The following C17orf99 variants were observed in gnomAD, a reference collection of about 807,000 sequenced individuals.
The protein encoded by C17orf99 is protein IL-40.
In C17orf99, 18 loss-of-function variants were observed where a neutral mutation model predicts 22.6. The ratio of observed to expected loss-of-function variants is 0.80; its 90% CI spans 0.55 to 1.18. The LOEUF is 1.18. C17orf99 is among the 50% of genes most tolerant of loss of function. C17orf99 has a pLI of 0.00. For synonymous variants in C17orf99, 147 were observed against 136.6 expected (o/e 1.08, Z -0.53); for missense variants, 328 against 342.7 (o/e 0.96, Z 0.34).
At chr17:78,155,128 T>TG in intron 2 of C17orf99, among the ~76,000 whole-genome samples, 4 of 134,312 alleles carry the variant, frequency 3.0e-5, no homozygotes, top group Non-Finnish European at 4.7e-5. Context: ...ACCCCTATTT[T>TG]TTTTTTTTTT....
intron 3 of C17orf99, among the ~76,000 whole-genome samples, 189 bp downstream of exon 3, chr17:78,161,443 CCCTGGCTGGGGCCCTGAGGGCACAGTCT>C (rs2075575967): frequency 1.3e-5 from 2 of 152,166 alleles, no homozygotes; most frequent in South Asian, 2.1e-4. Flanking sequence ...GACTTGCTGT[CCCTGGCTGGGGCCCTGAGGGCACAGTCT>C]CCTGGCAGGG....
chr17:78,161,198 C>T lies in C17orf99; in HGVS notation c.314C>T (p.Thr105Ile), dbSNP rs1458453408. Reference protein sequence around the residue: ...LLTYFCWASSTSGAHVDSARL... With the variant: ...LLTYFCWASSISGAHVDSARL... ...ACCTACTTCTGCTGGGCGTCCTCCA[C>T]CTCAGGTGCCCATGTGGACAGTGCC... Residue 105 changes from threonine (T) to isoleucine (I), a missense_variant, in exon 3 of 5, where the codon ACC becomes ATC. Transcript: ENST00000340363. The T allele has an allele frequency of 6.4e-7, 1 of 1,551,788 alleles. No homozygotes were observed. The highest frequency in any genetic ancestry group is 1.2e-5 in the South Asian group (1 of 84,064).
intron 2 of C17orf99, among the ~76,000 whole-genome samples, chr17:78,159,499 C>A (rs776697717): frequency 1.3e-5 from 2 of 150,504 alleles, no homozygotes; most frequent in Non-Finnish European, 2.9e-5. Flanking sequence ...ATTAGCCAGG[C>A]GTAGTGGTGG....
At chr17:78,160,856 A>T in intron 2 of C17orf99, 99 bp from the exon 3 acceptor site, 1 of 921,650 alleles carries the variant, frequency 1.1e-6, no homozygotes, top group Non-Finnish European at 1.6e-6. Context: ...CACTGGGATT[A>T]CAGGTGTTTG....
Position 78,166,269 on chromosome 17 carries a change from A to T in C17orf99, c.*223A>T, listed in dbSNP as rs1598956410. The stretch of plus-strand genomic sequence containing the variant: ...TTATCTATATGAATCCCATCATATC[A>T]GGTTGTCTACCTTAAATATACACAA... On this transcript the variant is annotated 3_prime_UTR_variant, in exon 5 of 5. Transcript: ENST00000340363. 8 of 357,758 alleles carry T rather than the reference A, an allele frequency of 2.2e-5. No homozygotes were observed. In the East Asian group the frequency reaches 3.3e-4, roughly 15 times the overall value. The allele number at this position is 357,758 out of a possible 1,614,324, so 22.2% of individuals were successfully genotyped here.
intron 3 of C17orf99, 82 bp from the exon 4 acceptor site, chr17:78,164,013 T>G (rs143663400): frequency 8.0e-7 from 1 of 1,244,214 alleles, no homozygotes; most frequent in East Asian, 2.5e-5. Flanking sequence ...CATTAGGCAT[T>G]TTGTAATGAG....
In C17orf99 at chr17:78,166,116, A is replaced by T; in HGVS notation, c.*70A>T. On this transcript the variant is annotated 3_prime_UTR_variant, in exon 5 of 5. Coordinates refer to ENST00000340363, the MANE Select transcript of C17orf99 (RefSeq NM_001163075.2). Reference sequence around the variant, plus strand: ...ATCAGCGTGCACTGTTCGTATTTGGAGTTCATGCAAAATGAGTGTGTTTTA... The same window carrying T: ...ATCAGCGTGCACTGTTCGTATTTGGTGTTCATGCAAAATGAGTGTGTTTTA... 9.4e-6 allele frequency: 3 copies of T among 317,738 alleles called. No individual in the cohort carries two copies. The highest frequency in any genetic ancestry group is 1.6e-5 in the Non-Finnish European group (3 of 188,634). 19.7% of individuals were successfully genotyped at this position (317,738 alleles called of 1,614,324 possible). A position where few individuals can be genotyped will look rare whatever the true frequency, so the allele number is the denominator to read the frequency against.
intron 2 of C17orf99, among the ~76,000 whole-genome samples, chr17:78,147,251 C>T (rs1014691772): frequency 6.6e-6 from 1 of 152,144 alleles, no homozygotes; most frequent in African/African-American, 2.4e-5. Context: ...GCAGAAGCCC[C>T]CCCTGAGACC....
intron 2 of C17orf99, among the ~76,000 whole-genome samples, chr17:78,154,843 AAAAT>A (rs113698154): frequency 6.6e-6 from 1 of 151,986 alleles, no homozygotes; most frequent in Non-Finnish European, 1.5e-5. Context: ...CTCCATCTCA[AAAAT>A]AAATAAATAA....
chr17:78,150,347 T>C (rs1359037793), intron 2 of C17orf99, among the ~76,000 whole-genome samples: 1 of 152,124 alleles, frequency 6.6e-6, no homozygotes, highest in Admixed American at 6.6e-5. Context: ...GTCTTCCTAT[T>C]TTGCCCAGCT....
At chr17:78,162,502 C>T (rs1278386043) in intron 3 of C17orf99, among the ~76,000 whole-genome samples, 1 of 151,896 alleles carries the variant, frequency 6.6e-6, no homozygotes, top group Non-Finnish European at 1.5e-5. Flanking sequence ...GGCCCGCACC[C>T]TAAGAACACC....
At chr17:78,163,116 T>G (rs905104699) in intron 3 of C17orf99, among the ~76,000 whole-genome samples, 1 of 152,280 alleles carries the variant, frequency 6.6e-6, no homozygotes, top group East Asian at 1.9e-4. Flanking sequence ...TAATCAGGTA[T>G]GGTGGTGCAT....
At chr17:78,157,548 C>A in intron 2 of C17orf99, 1 of 872,304 alleles carries the variant, frequency 1.1e-6, no homozygotes, top group South Asian at 1.5e-5. Context: ...CCCGTAATCC[C>A]ATCACTTTGG....
chr17:78,157,347 G>T (rs542554545), intron 2 of C17orf99: 2 of 804,920 alleles, frequency 2.5e-6, no homozygotes, highest in South Asian at 1.5e-5. Context: ...CGGCGGCGGC[G>T]GTGGGCTCGG....
rs140461997 is a variant in C17orf99, at chr17:78,164,365, G to A, written c.640+1G>A. 6.0e-4 allele frequency: 934 copies of A among 1,551,402 alleles called. 6 individuals are homozygous for A. In the African/African-American group the frequency reaches 0.011, roughly 18 times the overall value. Reference sequence around the variant, plus strand: ...AGCGCCCTCACAGTGGTGCCCCCAGGTGAGAGGGCCCTTGGATTTCCAGAG... The same window carrying A: ...AGCGCCCTCACAGTGGTGCCCCCAGATGAGAGGGCCCTTGGATTTCCAGAG... On this transcript the variant is annotated splice_donor_variant, in intron 4 of 4. Transcript: ENST00000340363. LOFTEE classifies it high-confidence loss of function.
chr17:78,164,249 C>T lies in C17orf99; in HGVS notation c.525C>T (p.Cys175=), dbSNP rs1456236280. The part of the protein sequence containing the change: ...DGQVHLQQRP[C]HRQPANFSFL... ...AGGTCCACCTGCAGCAGAGACCATG[C>T]CACAGGCAGCCTGCCAACTTCTCCT... is the stretch of plus-strand genomic sequence containing the variant. Residue 175 remains cysteine, a synonymous_variant, in exon 4 of 5, where the codon TGC becomes TGT. Transcript: ENST00000340363. 3.2e-6 allele frequency: 5 copies of T among 1,551,532 alleles called. No homozygotes were observed. In the East Asian group the frequency reaches 9.8e-5, roughly 30 times the overall value.
rs2145803982 is a variant in C17orf99, at chr17:78,164,168, C to A, written c.444C>A (p.Cys148Ter). The change falls in exon 4 of 5, where the codon TGC becomes TGA. Residue 148 changes from cysteine to a stop codon, truncating the protein, a stop_gained. Transcript: ENST00000340363. LOFTEE classifies it high-confidence loss of function. ...CAGGCCCCAGGGTGGAGATGATCTGCCAGGCGTCCTCGGGCAGCCCACCTA... is the reference window on the plus strand; with the variant it reads ...CAGGCCCCAGGGTGGAGATGATCTGACAGGCGTCCTCGGGCAGCCCACCTA... ...RGAGPRVEMI[C>*]QASSGSPPIT... is the part of the protein sequence containing the mutation. 3 of 1,551,622 alleles carry A rather than the reference C, an allele frequency of 1.9e-6. No homozygotes were observed. The highest frequency in any genetic ancestry group is 2.6e-6 in the Non-Finnish European group (3 of 1,147,002).
At chr17:78,159,672 G>A (rs1158519163) in intron 2 of C17orf99, among the ~76,000 whole-genome samples, 2 of 151,424 alleles carry the variant, frequency 1.3e-5, no homozygotes, top group African/African-American at 2.4e-5. Context: ...CTAGTTCCGA[G>A]AGATTTTCAT....
In C17orf99 at chr17:78,165,949, C is replaced by A. The variant is rs922729853; in HGVS notation, c.701C>A (p.Pro234Gln). Residue 234 changes from proline (P) to glutamine (Q), a missense_variant, in exon 5 of 5, where the codon CCG (proline) becomes CAG (glutamine). Physicochemically the swap from Pro to Gln is moderately conservative, Grantham distance 76. Transcript: ENST00000340363. ...GPLESPILAL[P>Q]LYRSTRRLSE... is the part of the protein sequence containing the mutation. ...CTGGAGAGCCCCATCCTTGCCTTGC[C>A]GCTCTACAGGAGCACCCGCCGTCTG... The A allele has an allele frequency of 2.7e-6, 4 of 1,485,038 alleles. No individual in the cohort carries two copies. In the Admixed American group the frequency reaches 6.3e-5, roughly 23 times the overall value. 92.0% of individuals were successfully genotyped at this position (1,485,038 alleles called of 1,614,324 possible).
Sources: gnomAD v4.1 joint callset for allele counts (sites outside exome capture counted in the v4.1 genomes callset) on GRCh38, gnomAD v4.1.1 for gene constraint, MANE v1.5 for transcripts, NCBI Gene and HGNC (gene_info 2026-07-23, HGNC 2026-07-21) for gene names.